KSR2: variants seen among roughly 807,000 people sequenced by gnomAD.
The protein encoded by KSR2 is kinase suppressor of ras 2.
KSR2 carries 25 observed loss-of-function variants against 107.8 expected under a neutral mutation model. The ratio of observed to expected loss-of-function variants is 0.23; its 90% CI spans 0.17 to 0.32. KSR2 has a LOEUF of 0.32. Among genes scored for constraint, KSR2 ranks in the 10% least tolerant of loss-of-function variants. The pLI is 1.00. For missense variants in KSR2, 887 were observed against 1,268.9 expected (o/e 0.70, Z 4.57); for synonymous variants, 480 against 507.0 (o/e 0.95, Z 0.71).
intron 4 of KSR2, among the ~76,000 whole-genome samples, chr12:117,729,037 C>T (rs191724827): frequency 3.3e-5 from 5 of 152,250 alleles, no homozygotes; most frequent in Admixed American, 2.0e-4. Context: ...ATGCGGTTAG[C>T]GGTACCCACT....
At chr12:117,513,818 T>C (rs1255725719) in intron 14 of KSR2, among the ~76,000 whole-genome samples, 1 of 152,236 alleles carries the variant, frequency 6.6e-6, no homozygotes, top group East Asian at 1.9e-4. Flanking sequence ...AAAATCGTAA[T>C]TAAAAGCTGA....
intron 5 of KSR2, among the ~76,000 whole-genome samples, chr12:117,622,830 T>C (rs1882263221): frequency 6.6e-6 from 1 of 152,256 alleles, no homozygotes; most frequent in Admixed American, 6.5e-5. Flanking sequence ...CTCTTTTATG[T>C]TCCATATATG....
At chr12:117,551,460 A>T (rs1451678720) in intron 9 of KSR2, among the ~76,000 whole-genome samples, 5 of 152,220 alleles carry the variant, frequency 3.3e-5, no homozygotes, top group Non-Finnish European at 7.3e-5. Flanking sequence ...TGTCTATTTT[A>T]CATAAAGGAA....
At chr12:117,625,727 T>C (rs1882467688) in intron 5 of KSR2, among the ~76,000 whole-genome samples, 1 of 152,194 alleles carries the variant, frequency 6.6e-6, no homozygotes, top group South Asian at 2.1e-4. Flanking sequence ...TAAAATGAGT[T>C]AGGGAGGATT....
At chr12:117,876,863 T>C (rs1434882179) in intron 1 of KSR2, among the ~76,000 whole-genome samples, 2 of 151,878 alleles carry the variant, frequency 1.3e-5, no homozygotes, top group Admixed American at 6.6e-5. Flanking sequence ...ATTTCAGATT[T>C]TTTTCAGGTC....
chr12:117,937,673 C>T (rs1234434485), intron 1 of KSR2, among the ~76,000 whole-genome samples: 1 of 151,588 alleles, frequency 6.6e-6, no homozygotes, highest in African/African-American at 2.4e-5. Flanking sequence ...TCCAGATGAG[C>T]CTGAGCCAGG....
intron 4 of KSR2, among the ~76,000 whole-genome samples, chr12:117,729,879 G>A (rs1278518992): frequency 1.3e-5 from 2 of 152,220 alleles, no homozygotes; most frequent in East Asian, 1.9e-4. Context: ...AAAGTGGTAA[G>A]CATAGAAATG....
At chr12:117,720,190 G>T (rs1372913911) in intron 4 of KSR2, among the ~76,000 whole-genome samples, 1 of 152,226 alleles carries the variant, frequency 6.6e-6, no homozygotes, top group Admixed American at 6.5e-5. Context: ...ATTGGGCACA[G>T]CCAGGGGCTG....
intron 1 of KSR2, among the ~76,000 whole-genome samples, chr12:117,964,378 A>T (rs541835927): frequency 5.9e-5 from 9 of 152,322 alleles, no homozygotes; most frequent in African/African-American, 1.9e-4. Context: ...CCCTTCCCAA[A>T]CTTATTAACC....
At chr12:117,586,744 A>G (rs568160679) in intron 5 of KSR2, among the ~76,000 whole-genome samples, 31 of 152,308 alleles carry the variant, frequency 2.0e-4, no homozygotes, top group African/African-American at 7.5e-4. Context: ...ATATTATCCC[A>G]TTAATACAAA....
chr12:117,807,086 A>C (rs1414775428), intron 3 of KSR2, among the ~76,000 whole-genome samples: 1 of 152,180 alleles, frequency 6.6e-6, no homozygotes, highest in East Asian at 1.9e-4. Flanking sequence ...ATGGTGGGGA[A>C]TCTGCAGTGC....
intron 3 of KSR2, among the ~76,000 whole-genome samples, chr12:117,768,192 C>A (rs578104124): frequency 6.6e-6 from 1 of 152,336 alleles, no homozygotes; most frequent in East Asian, 1.9e-4. Context: ...CCTGCTCATG[C>A]CGAGGAAGGG....
In KSR2 at chr12:117,471,210, C is replaced by G. The variant is rs1284641616; in HGVS notation, c.2693G>C (p.Gly898Ala). 17 of 1,613,772 alleles carry G rather than the reference C, an allele frequency of 1.1e-5. No individual in the cohort carries two copies. The highest frequency in any genetic ancestry group is 1.4e-5 in the Non-Finnish European group (17 of 1,179,848). Residue 898 changes from glycine to alanine, a missense_variant, in exon 18 of 20, where the codon GGC (glycine) becomes GCC (alanine). Gly to Ala is a moderately conservative substitution (Grantham distance 60). Around this residue, in one of 8 missense-constraint regions of KSR2, gnomAD observed 308 missense variants for 506.2 expected, o/e 0.61. Transcript: ENST00000339824. ...ACTTACCGAGATTTCTTTTCCCATG[C>G]CAATCTGGCTGAGGTTGGGTTTCAT... ...TGMKPNLSQI[G>A]MGKEISDILL...
At chr12:117,733,405 T>C (rs1887807935) in intron 4 of KSR2, among the ~76,000 whole-genome samples, 1 of 152,166 alleles carries the variant, frequency 6.6e-6, no homozygotes, top group African/African-American at 2.4e-5. Flanking sequence ...TCCCACTCAC[T>C]CTTTAGGTCT....
chr12:117,927,332 T>A (rs1014931775), intron 1 of KSR2, among the ~76,000 whole-genome samples: 11 of 151,510 alleles, frequency 7.3e-5, no homozygotes, highest in African/African-American at 2.4e-4. Context: ...GCTGAGGTCA[T>A]GCCACTGCAC....
At chr12:117,841,755 CACTT>C (rs546038896) in intron 3 of KSR2, among the ~76,000 whole-genome samples, 29 of 152,322 alleles carry the variant, frequency 1.9e-4, no homozygotes, top group African/African-American at 6.3e-4. Flanking sequence ...CCGCCTCTGA[CACTT>C]AGTTGCTGTG....
At position 117,896,377 on chromosome 12, in the gene KSR2, T is replaced by G. The variant is rs141536613; in HGVS notation, c.181-35946A>C. Among the ~76,000 whole-genome samples the G allele has an allele frequency of 1.4e-3, 213 of 151,066 alleles. 1 individual carries two copies. The highest frequency in any genetic ancestry group is 5.1e-3 in the African/African-American group (208 of 41,116). ...GTGGTTGCCAGGGGCTGGTGGGAGGTGGACTAGGGAATGACTGCTAATGTG... is the reference window on the plus strand; with the variant it reads ...GTGGTTGCCAGGGGCTGGTGGGAGGGGGACTAGGGAATGACTGCTAATGTG... On this transcript the variant is annotated intron_variant, in intron 1 of 19. Coordinates refer to ENST00000339824, the MANE Select transcript of KSR2 (RefSeq NM_173598.6).
At chr12:117,531,121 T>C (rs571341586) in intron 11 of KSR2, 108 bp from the exon 12 acceptor site, 2 of 883,658 alleles carry the variant, frequency 2.3e-6, no homozygotes, top group African/African-American at 3.3e-5. Context: ...AGATCTTGGA[T>C]CTCTGCCCTT....
Position 117,525,035 on chromosome 12 carries a change from T to C in KSR2, c.2036A>G (p.Gln679Arg). The C allele has an allele frequency of 6.2e-7, 1 of 1,614,000 alleles. No homozygotes were observed. Among genetic ancestry groups the C allele is most frequent in the Middle Eastern group, 1.6e-4 (1 of 6,062 alleles). ...GCCATGCCAGCGGCCGTGGTACACT[T>C]GCCCAAAGCGGCCCTTTCCAATGAG... ...GELIGKGRFG[Q>R]VYHGRWHGEV... The change falls in exon 14 of 20, where the codon CAA becomes CGA. Residue 679 changes from glutamine (Q) to arginine (R), a missense_variant. Gln to Arg is a conservative substitution (Grantham distance 43, BLOSUM62 1). This residue lies in a region of KSR2 where 308 missense variants were observed against 506.2 expected (regional missense o/e 0.61). Coordinates refer to ENST00000339824, the MANE Select transcript of KSR2 (RefSeq NM_173598.6).
Sources: gnomAD v4.1 joint callset for allele counts (sites outside exome capture counted in the v4.1 genomes callset) on GRCh38, gnomAD v4.1.1 for gene constraint, gnomAD v4.1.1 regional missense constraint, MANE v1.5 for transcripts, NCBI Gene and HGNC (gene_info 2026-07-23, HGNC 2026-07-21) for gene names.